Variants in OTUD7A observed in about 807,000 individuals in gnomAD.
The protein encoded by OTUD7A is OTU domain-containing protein 7A.
Under a neutral mutation model 65.7 loss-of-function variants are expected in OTUD7A, and 12 were observed. That is an observed-to-expected ratio of 0.18 (90% confidence interval 0.12 to 0.30). The LOEUF is 0.30. Ranked by LOEUF, OTUD7A falls within the 10% of genes least tolerant of loss-of-function variation. The probability of loss-of-function intolerance (pLI) is 1.00; values close to 1 mark genes in which losing one functional copy is unlikely to be tolerated. For synonymous variants in OTUD7A, 641 were observed against 586.3 expected, an observed-to-expected ratio of 1.09 and a Z score of -1.35; for missense variants, 1,148 against 1,304.8, an observed-to-expected ratio of 0.88 and a Z score of 1.85.
intron 8 of OTUD7A, among the ~76,000 whole-genome samples, chr15:31,524,088 C>T (rs953585273): frequency 6.6e-6 from 1 of 152,130 alleles, no homozygotes; most frequent in African/African-American, 2.4e-5. Context: ...ACAGAAGCAA[C>T]TCTGTTTGGT....
chr15:31,511,736 C>T (rs12914073), intron 8 of OTUD7A, among the ~76,000 whole-genome samples: 25,403 of 39,418 alleles, frequency 0.64, 11,576 homozygotes, highest in Middle Eastern at 0.66. Flanking sequence ...ATATGTAACA[C>T]ACATATATAT....
chr15:31,704,719 T>G (rs1286820219), intron 1 of OTUD7A, among the ~76,000 whole-genome samples: 1 of 152,062 alleles, frequency 6.6e-6, no homozygotes, highest in African/African-American at 2.4e-5. Context: ...TCAGACCCTA[T>G]GCTGACTTCT....
At chr15:31,751,499 G>A (rs1162884070) in intron 1 of OTUD7A, among the ~76,000 whole-genome samples, 1 of 152,212 alleles carries the variant, frequency 6.6e-6, no homozygotes, top group Admixed American at 6.5e-5. Context: ...GCAGAAAGCA[G>A]TTTGGAGATG....
At chr15:31,645,154 C>G (rs1891623326) in intron 3 of OTUD7A, among the ~76,000 whole-genome samples, 1 of 152,220 alleles carries the variant, frequency 6.6e-6, no homozygotes, top group African/African-American at 2.4e-5. Context: ...CCTCTGGGTT[C>G]CCCCTCCCTG....
In OTUD7A at chr15:31,839,427, C is replaced by T. The variant is rs952523960; in HGVS notation, c.-100+31080G>A. On this transcript the variant is annotated intron_variant, in intron 1 of 12. Coordinates refer to ENST00000307050, the MANE Select transcript of OTUD7A (RefSeq NM_001382637.1). Reference sequence around the variant, plus strand: ...CCCTTGGACCAAATAAAAGAGTGGACTGGCTGTGACCAACAGGATGAGGGC... The same window carrying T: ...CCCTTGGACCAAATAAAAGAGTGGATTGGCTGTGACCAACAGGATGAGGGC... Among the ~76,000 whole-genome samples the T allele has an allele frequency of 3.3e-5, 5 of 152,200 alleles. No individual in the cohort carries two copies. In the East Asian group the frequency reaches 9.6e-4, roughly 29 times the overall value.
At chr15:31,672,302 C>T (rs1224788819) in intron 1 of OTUD7A, among the ~76,000 whole-genome samples, 1 of 152,126 alleles carries the variant, frequency 6.6e-6, no homozygotes, top group African/African-American at 2.4e-5. Flanking sequence ...GTGGAAATTG[C>T]TCTGCCCAGT....
intron 3 of OTUD7A, among the ~76,000 whole-genome samples, chr15:31,598,345 C>T (rs1889969267): frequency 6.6e-6 from 1 of 152,154 alleles, no homozygotes; most frequent in African/African-American, 2.4e-5. Context: ...GTGCAGCCCA[C>T]AGAGGGCGAG....
intron 3 of OTUD7A, among the ~76,000 whole-genome samples, chr15:31,585,243 G>A (rs974217447): frequency 7.2e-5 from 11 of 152,220 alleles, no homozygotes; most frequent in African/African-American, 2.7e-4. Context: ...ATTCTCCTCT[G>A]CGTAATTTGG....
intron 1 of OTUD7A, among the ~76,000 whole-genome samples, chr15:31,833,087 G>T (rs1411036836): frequency 2.0e-5 from 3 of 152,162 alleles, no homozygotes; most frequent in Non-Finnish European, 4.4e-5. Context: ...TTTTATTTTT[G>T]ATAGTGGCCA....
intron 3 of OTUD7A, among the ~76,000 whole-genome samples, chr15:31,599,756 C>A (rs866201799): frequency 6.6e-6 from 1 of 152,058 alleles, no homozygotes; most frequent in Non-Finnish European, 1.5e-5. Flanking sequence ...AAAGGTTAGA[C>A]GAATTGCTAA....
At chr15:31,624,246 TTAAAA>T (rs1296676107) in intron 3 of OTUD7A, among the ~76,000 whole-genome samples, 1 of 152,230 alleles carries the variant, frequency 6.6e-6, no homozygotes, top group African/African-American at 2.4e-5. Context: ...TAACATTAAA[TTAAAA>T]TCAGTGGTAC....
intron 3 of OTUD7A, among the ~76,000 whole-genome samples, chr15:31,581,493 A>C (rs963983907): frequency 1.3e-5 from 2 of 152,246 alleles, no homozygotes; most frequent in Non-Finnish European, 2.9e-5. Context: ...CTCCTGCAGT[A>C]AACTTTTGCA....
intron 6 of OTUD7A, among the ~76,000 whole-genome samples, 165 bp downstream of exon 6, chr15:31,530,542 G>A (rs918779040): frequency 6.6e-6 from 1 of 152,224 alleles, no homozygotes; most frequent in South Asian, 2.1e-4. Context: ...GACAAGAAGG[G>A]CCAGGATTGT....
intron 5 of OTUD7A, among the ~76,000 whole-genome samples, chr15:31,531,520 C>CAAAAAAAAAAAAA (rs60332452): frequency 8.7e-5 from 7 of 80,156 alleles, no homozygotes; most frequent in African/African-American, 2.1e-4. Context: ...GAGTAGGCCA[C>CAAAAAAAAAAAAA]AAAAAAAAAA....
chr15:31,582,935 G>C (rs1333758416), intron 3 of OTUD7A, among the ~76,000 whole-genome samples: 1 of 152,184 alleles, frequency 6.6e-6, no homozygotes, highest in Non-Finnish European at 1.5e-5. Context: ...CTGAATTACT[G>C]AAAGCCACAT....
At position 31,511,986 on chromosome 15, in the gene OTUD7A, CCTGG is replaced by C. The variant is rs555556258; in HGVS notation, c.894-8172_894-8169del. Among the ~76,000 whole-genome samples, 399 of 152,178 alleles carry C rather than the reference CCTGG, an allele frequency of 2.6e-3. 3 individuals carry two copies. Among genetic ancestry groups the C allele is most frequent in the African/African-American group, 9.2e-3 (381 of 41,508 alleles). ...TACCTTTTTTTAACCTTTAAGACAT[CCTGG>C]CTAAGAAATATTTTACCACCTCCCA... On this transcript the variant is annotated intron_variant, in intron 8 of 12. Transcript: ENST00000307050.
At chr15:31,598,067 G>A (rs747982719) in intron 3 of OTUD7A, among the ~76,000 whole-genome samples, 4 of 152,186 alleles carry the variant, frequency 2.6e-5, no homozygotes, top group Non-Finnish European at 5.9e-5. Flanking sequence ...GTCCGGGAGA[G>A]CCTGGGAGTT....
At chr15:31,768,303 C>T in intron 1 of OTUD7A, 3 of 661,280 alleles carry the variant, frequency 4.5e-6, no homozygotes, top group South Asian at 3.5e-5. Context: ...GGCTCTGCCG[C>T]CAACTTGTAT....
intron 1 of OTUD7A, among the ~76,000 whole-genome samples, chr15:31,738,707 T>C (rs189131950): frequency 6.6e-6 from 1 of 152,264 alleles, no homozygotes; most frequent in Admixed American, 6.5e-5. Flanking sequence ...ACTCCTGAAA[T>C]CCAGCCTTAC....
Sources: gnomAD v4.1 joint callset for allele counts (sites outside exome capture counted in the v4.1 genomes callset) on GRCh38, gnomAD v4.1.1 for gene constraint, MANE v1.5 for transcripts, NCBI Gene and HGNC (gene_info 2026-07-23, HGNC 2026-07-21) for gene names.